Variants in CRMP1 observed in about 807,000 individuals in gnomAD.
The protein encoded by CRMP1 is collapsin response mediator protein 1, also known as dihydropyrimidinase-related protein 1.
CRMP1 carries 19 observed loss-of-function variants against 68.3 expected under a neutral mutation model. The ratio of observed to expected loss-of-function variants is 0.28; its 90% confidence interval spans 0.19 to 0.41. CRMP1 has a LOEUF of 0.41. Among genes scored for constraint, CRMP1 ranks in the 10% least tolerant of loss-of-function variants. The pLI is 1.00. For missense variants in CRMP1, 791 were observed against 967.4 expected (o/e 0.82, Z 2.42); for synonymous variants, 439 against 399.6 (o/e 1.10, Z -1.18).
chr4:5,892,926 G>T lies in CRMP1; in HGVS notation c.44C>A (p.Pro15His). Residue 15 changes from proline (P) to histidine (H), a missense_variant, in exon 1 of 14, where the codon CCC (proline) becomes CAC (histidine). Physicochemically the swap from Pro to His is moderately conservative, Grantham distance 77. Coordinates refer to ENST00000324989, the MANE Select transcript of CRMP1 (RefSeq NM_001014809.3). The surrounding 1 kb of genome is among the most constrained non-coding windows in gnomAD (Gnocchi z 8.6). ...GCTGCCCGGCCGCGCCAGGTACACG[G>T]GCAGGTCGTCCTCGGTGTTCCACGC... ...RRAWNTEDDL[P>H]VYLARPGSAA... The T allele has an allele frequency of 7.6e-7, 1 of 1,310,262 alleles. No homozygotes were observed. Among genetic ancestry groups the T allele is most frequent in the Non-Finnish European group, 9.8e-7 (1 of 1,024,640 alleles). The allele number at this position is 1,310,262 out of a possible 1,614,324, so 81.2% of individuals were successfully genotyped here.
In CRMP1 at chr4:5,893,035, G is replaced by C. The variant is rs1716024661; in HGVS notation, c.-66C>G. On this transcript the variant is annotated 5_prime_UTR_variant, in exon 1 of 14. Transcript: ENST00000324989. The stretch of plus-strand genomic sequence containing the variant: ...CGCCCGCGGCCCTGGGCACCGCCGT[G>C]CGCCGCGCTCCGCGCCTCGGTGCGG... 3 of 1,044,720 alleles carry C rather than the reference G, an allele frequency of 2.9e-6. No homozygotes were observed. The East Asian group carries it at 1.8e-4, about 61-fold the overall frequency. The allele number at this position is 1,044,720 out of a possible 1,614,324, so 64.7% of individuals were successfully genotyped here. A position where few individuals can be genotyped will look rare whatever the true frequency, so the allele number is the denominator to read the frequency against.
intron 11 of CRMP1, among the ~76,000 whole-genome samples, chr4:5,832,151 G>A (rs1720423138): frequency 6.6e-6 from 1 of 152,230 alleles, no homozygotes; most frequent in Admixed American, 6.5e-5. Flanking sequence ...AAGCAGATTA[G>A]TGGTTGCTAG....
intron 1 of CRMP1, among the ~76,000 whole-genome samples, chr4:5,880,434 T>A (rs1342309819): frequency 1.3e-5 from 2 of 152,170 alleles, no homozygotes; most frequent in Admixed American, 1.3e-4. Flanking sequence ...GGTTCAAAAT[T>A]TCCTCAAATA....
In CRMP1 at chr4:5,853,880, T is replaced by G. The variant is rs1279431747; in HGVS notation, c.820+2263A>C. On this transcript the variant is annotated intron_variant, in intron 4 of 13. Transcript: ENST00000324989. The surrounding 1 kb of genome is among the most constrained non-coding windows in gnomAD (Gnocchi z 4.7). ...TCACTTATATGTGGAATCTAAAAAGTTGATTTCATAGAAGCATACAAAGTT... is the reference window on the plus strand; with the variant it reads ...TCACTTATATGTGGAATCTAAAAAGGTGATTTCATAGAAGCATACAAAGTT... Among the ~76,000 whole-genome samples, 2 of 152,210 alleles carry G rather than the reference T, an allele frequency of 1.3e-5. No homozygotes were observed. Among genetic ancestry groups the G allele is most frequent in the Admixed American group, 1.3e-4 (2 of 15,282 alleles).
In CRMP1 at chr4:5,841,442, A is replaced by G; in HGVS notation, c.1033-14T>C. The G allele has an allele frequency of 6.2e-7, 1 of 1,613,606 alleles. No individual in the cohort carries two copies. The stretch of plus-strand genomic sequence containing the variant: ...CTCGGCCTCCAGCTGAACACGGCAC[A>G]CACAGTGTCACAGGAGGGAAGGCTG... On this transcript the variant is annotated splice_polypyrimidine_tract_variant and intron_variant, in intron 7 of 13. Coordinates refer to ENST00000324989, the MANE Select transcript of CRMP1 (RefSeq NM_001014809.3). The surrounding 1 kb of genome is among the most constrained non-coding windows in gnomAD (Gnocchi z 6.9).
At position 5,872,412 on chromosome 4, in the gene CRMP1, T is replaced by C. The variant is rs1714521814; in HGVS notation, c.382-5656A>G. Among the ~76,000 whole-genome samples the C allele has an allele frequency of 6.6e-6, 1 of 152,106 alleles. No homozygotes were observed. The highest frequency in any genetic ancestry group is 2.1e-4 in the South Asian group (1 of 4,824). ...ATTATTATGTATAACCTAGGCCAGG[T>C]GCGGTGGCTCACGCCTGTAATCCCA... On this transcript the variant is annotated intron_variant, in intron 1 of 13. Transcript: ENST00000324989. The surrounding 1 kb of genome is among the most constrained non-coding windows in gnomAD (Gnocchi z 4.6).
rs1468705978 is a variant in CRMP1, at chr4:5,883,301, T to C, written c.381+9288A>G. Among the ~76,000 whole-genome samples, 2 of 151,670 alleles carry C rather than the reference T, an allele frequency of 1.3e-5. No homozygotes were observed. The highest frequency in any genetic ancestry group is 4.8e-5 in the African/African-American group (2 of 41,256). ...CTTCCTGTCTTTCTATCTTTCTCTTTCTTTCTTCTTTTTTGTTTGAGAGAG... is the reference window on the plus strand; with the variant it reads ...CTTCCTGTCTTTCTATCTTTCTCTTCCTTTCTTCTTTTTTGTTTGAGAGAG... On this transcript the variant is annotated intron_variant, in intron 1 of 13. Transcript: ENST00000324989. This position sits in a 1 kb window ranked among gnomAD's most constrained non-coding sequence, Gnocchi z 4.5.
At chr4:5,863,344 T>G (rs1157571863) in intron 2 of CRMP1, among the ~76,000 whole-genome samples, 1 of 152,024 alleles carries the variant, frequency 6.6e-6, no homozygotes. Context: ...CAGAGAGGTG[T>G]AGTGACTCCT....
intron 1 of CRMP1, among the ~76,000 whole-genome samples, chr4:5,878,525 T>C (rs994388408): frequency 1.3e-5 from 2 of 152,130 alleles, no homozygotes; most frequent in East Asian, 1.9e-4. Context: ...TAATAAACAT[T>C]GCCAATGCCT....
chr4:5,836,206 C>T (rs929525449), intron 10 of CRMP1, 121 bp from the exon 11 acceptor site: 37 of 888,648 alleles, frequency 4.2e-5, no homozygotes, highest in Non-Finnish European at 5.7e-5. Context: ...CTCTCCTCTC[C>T]CAGCTAAAAA....
At position 5,825,545 on chromosome 4, in the gene CRMP1, G is replaced by A. The variant is rs761583442; in HGVS notation, c.1918C>T (p.His640Tyr). ...APSAKSSPSK[H>Y]QPPPIRNLHQ... ...AGGTTTCTGATGGGTGGGGGCTGGT[G>A]TTTAGAAGGCGAAGATTTGGCTGAA... The change falls in exon 13 of 14, where the codon CAC becomes TAC. Residue 640 changes from histidine (H) to tyrosine (Y), a missense_variant. His to Tyr is a moderately conservative substitution (Grantham distance 83). This residue lies in a region of CRMP1 where 594 missense variants were observed against 763.6 expected (regional missense o/e 0.78). Transcript: ENST00000324989. The surrounding 1 kb of genome is among the most constrained non-coding windows in gnomAD (Gnocchi z 4.4). 7 of 1,594,958 alleles carry A rather than the reference G, an allele frequency of 4.4e-6. No individual in the cohort carries two copies. In the African/African-American group the frequency reaches 9.5e-5, roughly 22 times the overall value.
chr4:5,828,303 T>C, intron 12 of CRMP1, 186 bp downstream of exon 12: 1 of 985,098 alleles, frequency 1.0e-6, no homozygotes, highest in East Asian at 1.1e-4. Context: ...ATGTCCTCAT[T>C]TGATGCTCAC....
rs934127392 is a variant in CRMP1, at chr4:5,892,782, G to T, written c.188C>A (p.Thr63Lys). ...GTCGGGCCGGCCAGCGCTGCGCGGC[G>T]TGCGCGCCGAGCCGCGGCGGCCCAC... The part of the protein sequence containing the change: ...YSVGRRGSAR[T>K]PRSAGRPDAV... Residue 63 changes from threonine (T) to lysine (K), a missense_variant, in exon 1 of 14, where the codon ACG becomes AAG. By Grantham distance (78) the Thr-to-Lys change is moderately conservative. This residue lies in a region of CRMP1 where 193 missense variants were observed against 186.3 expected (regional missense o/e 1.04). Transcript: ENST00000324989. This position sits in a 1 kb window ranked among gnomAD's most constrained non-coding sequence, Gnocchi z 8.6. 9.2e-6 allele frequency: 12 copies of T among 1,300,220 alleles called. No individual in the cohort carries two copies. In the African/African-American group the frequency reaches 1.9e-4, roughly 20 times the overall value. The allele number at this position is 1,300,220 out of a possible 1,614,324, so 80.5% of individuals were successfully genotyped here. A position where few individuals can be genotyped will look rare whatever the true frequency, so the allele number is the denominator to read the frequency against.
chr4:5,868,261 C>CTATATATATATATATA (rs60816757), intron 1 of CRMP1, among the ~76,000 whole-genome samples: 27 of 111,458 alleles, frequency 2.4e-4, no homozygotes, highest in Non-Finnish European at 3.7e-4. Flanking sequence ...GACTATATAT[C>CTATATATATATATATA]TATATATATA....
At chr4:5,875,761 T>A (rs1004960081) in intron 1 of CRMP1, among the ~76,000 whole-genome samples, 1 of 152,118 alleles carries the variant, frequency 6.6e-6, no homozygotes, top group African/African-American at 2.4e-5. Flanking sequence ...ACAGAGACCG[T>A]GAGTTTTCTC....
rs541470327 is a variant in CRMP1 at position 5,861,453 on chromosome 4, G to T, written c.471-243C>A. Among the ~76,000 whole-genome samples, 13 of 152,268 alleles carry T rather than the reference G, an allele frequency of 8.5e-5. No homozygotes were observed. The highest frequency in any genetic ancestry group is 2.9e-4 in the African/African-American group (12 of 41,570). ...CAGAGATGATCGGGGGCACGAGGAG[G>T]GGCCCTTTCATCCAGTCTCATTATC... On this transcript the variant is annotated intron_variant, in intron 2 of 13. Coordinates refer to ENST00000324989, the MANE Select transcript of CRMP1 (RefSeq NM_001014809.3). The surrounding 1 kb of genome is among the most constrained non-coding windows in gnomAD (Gnocchi z 6.0).
At position 5,881,597 on chromosome 4, in the gene CRMP1, G is replaced by C. The variant is rs745564636; in HGVS notation, c.381+10992C>G. The stretch of plus-strand genomic sequence containing the variant: ...TTCTTTTATATGCTCTCACGGCAAA[G>C]TCCTCCGGTGTTCCTCTTCCATGGC... On this transcript the variant is annotated intron_variant, in intron 1 of 13. Transcript: ENST00000324989. This position sits in a 1 kb window ranked among gnomAD's most constrained non-coding sequence, Gnocchi z 4.6. 2.0e-5 allele frequency among the ~76,000 whole-genome samples: 3 copies of C among 152,110 alleles called. No homozygotes were observed. The highest frequency in any genetic ancestry group is 7.2e-5 in the African/African-American group (3 of 41,418).
intron 6 of CRMP1, among the ~76,000 whole-genome samples, chr4:5,847,050 GGA>G (rs1458081847): frequency 6.6e-6 from 1 of 152,100 alleles, no homozygotes; most frequent in African/African-American, 2.4e-5. Context: ...CAAGAGCTAT[GGA>G]GACTTATTCT....
chr4:5,875,217 T>C (rs1001657697), intron 1 of CRMP1, among the ~76,000 whole-genome samples: 1 of 152,170 alleles, frequency 6.6e-6, no homozygotes, highest in Non-Finnish European at 1.5e-5. Flanking sequence ...ACAGTCAGCC[T>C]CAGCTCAGAG....
Sources: allele counts gnomAD v4.1 joint callset (sites outside exome capture counted in the v4.1 genomes callset), GRCh38; gene constraint gnomAD v4.1.1; regional missense constraint gnomAD v4.1.1; non-coding constraint Gnocchi (gnomAD v3.1); transcripts MANE v1.5; gene names NCBI Gene and HGNC (gene_info 2026-07-23, HGNC 2026-07-21).